PSMA1: variants seen among roughly 807,000 people sequenced by gnomAD.
PSMA1 encodes the protein proteasome subunit alpha type-1.
PSMA1 carries 3 observed loss-of-function variants against 38.4 expected under a neutral mutation model. That is an observed-to-expected ratio of 0.08 (90% CI 0.04 to 0.20). The LOEUF (loss-of-function observed/expected upper bound fraction) is 0.20, where lower values mean the gene tolerates loss of function less well. Among genes scored for constraint, PSMA1 ranks in the 10% least tolerant of loss-of-function variants. The pLI, the probability that PSMA1 is intolerant of heterozygous loss-of-function variation, is 1.00. For missense variants in PSMA1, 227 were observed against 325.3 expected (o/e 0.70, Z 2.32); for synonymous variants, 101 against 107.1 (o/e 0.94, Z 0.35).
chr11:14,562,777 T>G (rs1411147444), intron 2 of PSMA1, among the ~76,000 whole-genome samples: 1 of 151,984 alleles, frequency 6.6e-6, no homozygotes, highest in Admixed American at 6.6e-5. Context: ...TTTGTAGTTT[T>G]AGAGACTGGT....
intron 1 of PSMA1, among the ~76,000 whole-genome samples, chr11:14,637,740 C>G (rs1853127910): frequency 6.6e-6 from 1 of 152,088 alleles, no homozygotes; most frequent in African/African-American, 2.4e-5. Flanking sequence ...AACATTTCTG[C>G]ATTTATAGTA....
At chr11:14,527,036 G>A (rs1033837930) in intron 2 of PSMA1, among the ~76,000 whole-genome samples, 23 of 152,022 alleles carry the variant, frequency 1.5e-4, no homozygotes, top group African/African-American at 3.9e-4. Flanking sequence ...GCATCACCAC[G>A]CTGTTATATG....
At chr11:14,619,973 G>A (rs1454460743) in intron 1 of PSMA1, among the ~76,000 whole-genome samples, 1 of 152,048 alleles carries the variant, frequency 6.6e-6, no homozygotes, top group Non-Finnish European at 1.5e-5. Flanking sequence ...ATTTTTTAAG[G>A]ATATTGAGCA....
At chr11:14,516,409 T>C (rs1565033734) in intron 4 of PSMA1, among the ~76,000 whole-genome samples, 1 of 152,214 alleles carries the variant, frequency 6.6e-6, no homozygotes, top group African/African-American at 2.4e-5. Flanking sequence ...ATTCACTATG[T>C]TGCCCTGGTC....
At chr11:14,578,687 G>T (rs1178993591) in intron 2 of PSMA1, among the ~76,000 whole-genome samples, 1 of 152,340 alleles carries the variant, frequency 6.6e-6, no homozygotes, top group East Asian at 1.9e-4. Context: ...AGCTATCTAC[G>T]TAAACAGGAA....
intron 2 of PSMA1, among the ~76,000 whole-genome samples, chr11:14,529,700 G>A (rs1040018757): frequency 5.9e-5 from 9 of 152,160 alleles, no homozygotes; most frequent in Non-Finnish European, 1.2e-4. Context: ...TCTCACCTTA[G>A]CCCAATGAGA....
chr11:14,544,622 A>G (rs1460035958), intron 2 of PSMA1, among the ~76,000 whole-genome samples: 2 of 152,214 alleles, frequency 1.3e-5, no homozygotes, highest in East Asian at 1.9e-4. Flanking sequence ...CAAAACTACA[A>G]TGAAATACCA....
chr11:14,549,022 AT>A (rs930954953), intron 2 of PSMA1, among the ~76,000 whole-genome samples: 1 of 151,862 alleles, frequency 6.6e-6, no homozygotes, highest in African/African-American at 2.4e-5. Context: ...AAAAATACTG[AT>A]TTTTTTAAAA....
At chr11:14,607,534 G>C (rs1407433399) in intron 2 of PSMA1, among the ~76,000 whole-genome samples, 1 of 152,196 alleles carries the variant, frequency 6.6e-6, no homozygotes, top group Non-Finnish European at 1.5e-5. Context: ...TCCCACCCCA[G>C]ATGATGTCTA....
chr11:14,566,017 A>C (rs1852066351), intron 2 of PSMA1, among the ~76,000 whole-genome samples: 1 of 152,308 alleles, frequency 6.6e-6, no homozygotes, highest in South Asian at 2.1e-4. Context: ...AGCTGGAACA[A>C]AGGCCCCATG....
chr11:14,596,121 G>A (rs1226952213), intron 2 of PSMA1, among the ~76,000 whole-genome samples: 1 of 152,198 alleles, frequency 6.6e-6, no homozygotes, highest in Non-Finnish European at 1.5e-5. Flanking sequence ...TTTGGTACCA[G>A]TACCATGCTG....
intron 1 of PSMA1, among the ~76,000 whole-genome samples, chr11:14,615,251 G>C (rs893817988): frequency 6.6e-6 from 1 of 152,170 alleles, no homozygotes; most frequent in Non-Finnish European, 1.5e-5. Flanking sequence ...GAAAGTGTTA[G>C]TCCCTTCGCT....
chr11:14,541,938 A>G (rs1389851250), intron 2 of PSMA1, among the ~76,000 whole-genome samples: 1 of 152,226 alleles, frequency 6.6e-6, no homozygotes, highest in Non-Finnish European at 1.5e-5. Flanking sequence ...AATGAGCATT[A>G]TCAGTATTTC....
chr11:14,620,891 T>A (rs1039769515), intron 1 of PSMA1, among the ~76,000 whole-genome samples: 2 of 152,222 alleles, frequency 1.3e-5, no homozygotes, highest in African/African-American at 4.8e-5. Flanking sequence ...TCCTGAGAGT[T>A]ATCAAGATCA....
chr11:14,609,060 A>G (rs753965526), intron 2 of PSMA1, among the ~76,000 whole-genome samples: 4 of 152,186 alleles, frequency 2.6e-5, no homozygotes, highest in Non-Finnish European at 5.9e-5. Context: ...TTCCTTCAAG[A>G]ACTCAGAATT....
upstream of PSMA1, among the ~76,000 whole-genome samples, chr11:14,521,518 G>A (rs1851529976): frequency 6.6e-6 from 1 of 151,178 alleles, no homozygotes; most frequent in Admixed American, 6.6e-5. Flanking sequence ...GGGCGCGGTG[G>A]CTCACGCTTG....
At chr11:14,517,611 A>C (rs747514718) in intron 4 of PSMA1, 31 bp downstream of exon 4, 8 of 1,462,720 alleles carry the variant, frequency 5.5e-6, no homozygotes, top group Non-Finnish European at 7.4e-6. Context: ...ATGAAACAAA[A>C]AGGATGTTTA....
intron 1 of PSMA1, among the ~76,000 whole-genome samples, chr11:14,630,957 G>C (rs1038703734): frequency 6.6e-6 from 1 of 152,164 alleles, no homozygotes; most frequent in Non-Finnish European, 1.5e-5. Flanking sequence ...TTGCGTAGAG[G>C]TGTTTGTAGT....
At chr11:14,638,560 TATATATATATATATATATATATATA>T (rs1478813935) in intron 1 of PSMA1, among the ~76,000 whole-genome samples, 9 of 12,678 alleles carry the variant, frequency 7.1e-4, no homozygotes, top group East Asian at 4.2e-3. Context: ...TATATATATA[TATATATATATATATATATATATATA>T]TTTTTTTTTT....
Sources: allele counts gnomAD v4.1 joint callset (sites outside exome capture counted in the v4.1 genomes callset), GRCh38; gene constraint gnomAD v4.1.1; transcripts MANE v1.5; gene names NCBI Gene and HGNC (gene_info 2026-07-23, HGNC 2026-07-21).